Variants in CSMD1 observed in about 807,000 individuals in gnomAD.
CSMD1 encodes the protein CUB and Sushi multiple domains 1.
Under a neutral mutation model 417.5 loss-of-function variants are expected in CSMD1, and 213 were observed. That is an observed-to-expected ratio of 0.51 (90% CI 0.46 to 0.57). The LOEUF is 0.57. Ranked by LOEUF, CSMD1 falls within the 20% of genes least tolerant of loss-of-function variation. The pLI, the probability that CSMD1 is intolerant of heterozygous loss-of-function variation, is 0.00. For missense variants in CSMD1, 6,923 were observed against 4,529.7 expected (o/e 1.53, Z -15.17); for synonymous variants, 2,862 against 1,736.8 (o/e 1.65, Z -16.11).
chr8:3,386,783 A>G (rs1449984150), intron 18 of CSMD1, among the ~76,000 whole-genome samples: 1 of 152,182 alleles, frequency 6.6e-6, no homozygotes, highest in East Asian at 1.9e-4. Flanking sequence ...TATTTTCCAT[A>G]GAAACAATGT....
At chr8:3,985,545 A>C (rs67551393) in intron 5 of CSMD1, among the ~76,000 whole-genome samples, 41,873 of 151,920 alleles carry the variant, frequency 0.28, 5,802 homozygotes, top group East Asian at 0.39. Context: ...ATTTTACTCC[A>C]TGGATTGCTC....
chr8:3,033,694 C>A (rs1810490438), intron 50 of CSMD1, among the ~76,000 whole-genome samples: 1 of 150,210 alleles, frequency 6.7e-6, no homozygotes, highest in Admixed American at 6.7e-5. Flanking sequence ...TGCAGCAAAC[C>A]ACCATGGCAC....
chr8:3,529,054 T>A (rs947134675), intron 10 of CSMD1, among the ~76,000 whole-genome samples: 1 of 152,208 alleles, frequency 6.6e-6, no homozygotes, highest in Non-Finnish European at 1.5e-5. Context: ...CTCACTTTAG[T>A]ACAAGCTGTA....
intron 5 of CSMD1, among the ~76,000 whole-genome samples, chr8:3,774,253 A>T (rs1584978073): frequency 6.6e-6 from 1 of 152,120 alleles, no homozygotes; most frequent in Admixed American, 6.5e-5. Flanking sequence ...TGCTCTGTAA[A>T]TTCTTACAGA....
chr8:4,490,281 C>G (rs1422564076), intron 2 of CSMD1, among the ~76,000 whole-genome samples: 1 of 152,058 alleles, frequency 6.6e-6, no homozygotes, highest in East Asian at 1.9e-4. Flanking sequence ...ACCTCGTGAT[C>G]CACTCTCTTC....
intron 12 of CSMD1, among the ~76,000 whole-genome samples, chr8:3,431,839 T>C (rs1265465492): frequency 2.0e-5 from 3 of 152,206 alleles, no homozygotes; most frequent in African/African-American, 7.2e-5. Context: ...CAATTGTCAT[T>C]TCCTACCAGC....
intron 2 of CSMD1, among the ~76,000 whole-genome samples, chr8:4,470,584 T>C (rs4875349): frequency 0.47 from 71,821 of 152,052 alleles, 18,316 homozygotes; most frequent in Non-Finnish European, 0.56. Context: ...CCAAATAATA[T>C]AACTGCCAAA....
chr8:4,397,030 TAAAA>T (rs539159310), intron 3 of CSMD1, among the ~76,000 whole-genome samples: 1 of 145,234 alleles, frequency 6.9e-6, no homozygotes, highest in African/African-American at 2.5e-5. Flanking sequence ...CTAATGAAAT[TAAAA>T]AAAAAATAAA....
At chr8:4,921,592 T>C (rs1168677857) in intron 1 of CSMD1, among the ~76,000 whole-genome samples, 1 of 152,184 alleles carries the variant, frequency 6.6e-6, no homozygotes, top group Non-Finnish European at 1.5e-5. Flanking sequence ...CAATGCATAT[T>C]TTCCAAAATA....
chr8:4,161,379 G>C (rs10110433), intron 3 of CSMD1, among the ~76,000 whole-genome samples: 47,520 of 152,144 alleles, frequency 0.31, 7,676 homozygotes, highest in South Asian at 0.42. Context: ...TTCAGCCACA[G>C]AATTAAAGGA....
chr8:4,104,724 G>T (rs772014329), intron 3 of CSMD1, among the ~76,000 whole-genome samples: 12 of 152,222 alleles, frequency 7.9e-5, no homozygotes, highest in Non-Finnish European at 1.2e-4. Flanking sequence ...AGTCCCAAGA[G>T]GAACTAGGTC....
intron 2 of CSMD1, among the ~76,000 whole-genome samples, chr8:4,587,305 C>G (rs1352959998): frequency 2.0e-5 from 3 of 152,080 alleles, no homozygotes; most frequent in Non-Finnish European, 4.4e-5. Context: ...CTTTTACTCA[C>G]TTTCTCTGCA....
At position 4,047,003 on chromosome 8, in the gene CSMD1, G is replaced by A. The variant is rs547541292; in HGVS notation, c.416-14904C>T. 6.8e-4 allele frequency among the ~76,000 whole-genome samples: 103 copies of A among 152,310 alleles called. 1 individual carries two copies. The highest frequency in any genetic ancestry group is 2.4e-3 in the African/African-American group (100 of 41,558). ...CTTTCCAGAACCCTCCCTGATGCATGACTTAGCCCTATAGGGTTGTGACAT... is the reference window on the plus strand; with the variant it reads ...CTTTCCAGAACCCTCCCTGATGCATAACTTAGCCCTATAGGGTTGTGACAT... On this transcript the variant is annotated intron_variant, in intron 3 of 69. Coordinates refer to ENST00000635120, the MANE Select transcript of CSMD1 (RefSeq NM_033225.6).
intron 5 of CSMD1, among the ~76,000 whole-genome samples, chr8:3,883,309 A>C (rs1806328630): frequency 6.6e-6 from 1 of 152,190 alleles, no homozygotes; most frequent in African/African-American, 2.4e-5. Flanking sequence ...ACTGAACGAC[A>C]TAATATAATA....
chr8:3,018,144 T>A lies in CSMD1; in HGVS notation c.8029+333A>T, dbSNP rs145238267. Among the ~76,000 whole-genome samples, 302 of 152,372 alleles carry A rather than the reference T, an allele frequency of 2.0e-3. 2 individuals are homozygous for A. The highest frequency in any genetic ancestry group is 5.0e-3 in the African/African-American group (209 of 41,592). On this transcript the variant is annotated intron_variant, in intron 52 of 69. Transcript: ENST00000635120. ...TAACTTCAATTCATTGACATAATTT[T>A]AAAATTTTTAAAAACATAAAATGTA...
chr8:4,076,313 G>A (rs905290465), intron 3 of CSMD1, among the ~76,000 whole-genome samples: 13 of 152,142 alleles, frequency 8.5e-5, no homozygotes, highest in Admixed American at 7.9e-4. Flanking sequence ...AGTTTCCTGA[G>A]GCCTCCCAGC....
intron 1 of CSMD1, among the ~76,000 whole-genome samples, chr8:4,985,500 C>T (rs1811131980): frequency 6.6e-6 from 1 of 152,102 alleles, no homozygotes; most frequent in African/African-American, 2.4e-5. Context: ...GAGTATAATC[C>T]TTTTCAAGAG....
chr8:3,474,487 A>C (rs1002301622), intron 11 of CSMD1, among the ~76,000 whole-genome samples: 10 of 152,176 alleles, frequency 6.6e-5, no homozygotes, highest in Non-Finnish European at 1.2e-4. Context: ...AAATTTGGTA[A>C]ACAGTAATCT....
chr8:4,062,094 A>G (rs1055699839), intron 3 of CSMD1, among the ~76,000 whole-genome samples: 6 of 152,098 alleles, frequency 3.9e-5, no homozygotes, highest in African/African-American at 1.2e-4. Context: ...ATGGCAAAGC[A>G]TCACAGAGAA....
Sources: gnomAD v4.1 joint callset for allele counts (sites outside exome capture counted in the v4.1 genomes callset) on GRCh38, gnomAD v4.1.1 for gene constraint, MANE v1.5 for transcripts, NCBI Gene and HGNC (gene_info 2026-07-23, HGNC 2026-07-21) for gene names.